ZFHX4: variants seen among roughly 807,000 people sequenced by gnomAD.
ZFHX4 encodes zinc finger homeobox protein 4.
A neutral mutation model predicts 267.6 loss-of-function variants in ZFHX4; 56 were observed. The ratio of observed to expected loss-of-function variants is 0.21; its 90% CI spans 0.17 to 0.26. ZFHX4 has a LOEUF of 0.26. Among genes scored for constraint, ZFHX4 ranks in the 10% least tolerant of loss-of-function variants. The probability of loss-of-function intolerance (pLI) is 1.00; values close to 1 mark genes in which losing one functional copy is unlikely to be tolerated. For synonymous variants in ZFHX4, 1,778 were observed against 1,665.6 expected, an observed-to-expected ratio of 1.07 and a Z score of -1.64; for missense variants, 4,332 against 4,420.0, an observed-to-expected ratio of 0.98 and a Z score of 0.56.
At chr8:76,777,079 G>A (rs550810662) in intron 3 of ZFHX4, among the ~76,000 whole-genome samples, 3 of 152,112 alleles carry the variant, frequency 2.0e-5, no homozygotes, top group African/African-American at 7.2e-5. Flanking sequence ...TTTAAAAGAA[G>A]CACATAAAAA....
intron 3 of ZFHX4, among the ~76,000 whole-genome samples, chr8:76,764,586 AAG>A (rs1810003985): frequency 6.6e-6 from 1 of 152,174 alleles, no homozygotes. Flanking sequence ...TTGAGTATAA[AAG>A]AGATGTTATT....
At chr8:76,702,306 C>T (rs1368616757) in intron 1 of ZFHX4, among the ~76,000 whole-genome samples, 5 of 152,114 alleles carry the variant, frequency 3.3e-5, no homozygotes, top group Non-Finnish European at 4.4e-5. Flanking sequence ...GATACCAAAA[C>T]GAATTTTGAA....
chr8:76,812,878 T>C (rs1300993587), intron 4 of ZFHX4, among the ~76,000 whole-genome samples: 1 of 152,202 alleles, frequency 6.6e-6, no homozygotes, highest in Non-Finnish European at 1.5e-5. Context: ...TTGATGGCAT[T>C]CAACTAGATT....
chr8:76,785,890 T>C (rs1215696468), intron 4 of ZFHX4, among the ~76,000 whole-genome samples: 1 of 152,196 alleles, frequency 6.6e-6, no homozygotes, highest in Non-Finnish European at 1.5e-5. Context: ...ATAAACTGGT[T>C]ATCTGTTACC....
chr8:76,755,891 G>A (rs1809747410), intron 3 of ZFHX4, among the ~76,000 whole-genome samples: 1 of 152,036 alleles, frequency 6.6e-6, no homozygotes, highest in African/African-American at 2.4e-5. Context: ...ATATGAGAGA[G>A]GTCATTCTCT....
At chr8:76,799,151 T>C (rs1811056673) in intron 4 of ZFHX4, among the ~76,000 whole-genome samples, 1 of 152,148 alleles carries the variant, frequency 6.6e-6, no homozygotes. Context: ...TCGCACAGGG[T>C]ATATTTTTCA....
chr8:76,809,022 A>T (rs1263210762), intron 4 of ZFHX4, among the ~76,000 whole-genome samples: 3 of 151,606 alleles, frequency 2.0e-5, no homozygotes, highest in Non-Finnish European at 2.9e-5. Context: ...CCTCTTATCT[A>T]GTGCACCTTA....
rs770276733 is a variant in ZFHX4, at chr8:76,854,149, G to A, written c.7228G>A (p.Ala2410Thr). 2.2e-5 allele frequency: 36 copies of A among 1,608,702 alleles called. No individual in the cohort carries two copies. Among genetic ancestry groups the A allele is most frequent in the South Asian group, 2.2e-4 (20 of 90,666 alleles). ...GACTTCTCCAAAACCTGAATATCCC[G>A]CAGAAAAGCCAAAGCAGAGTGACCC... ...EKTSPKPEYPAEKPKQSDPSP... is the reference protein window; with the variant it reads ...EKTSPKPEYPTEKPKQSDPSP... Residue 2410 changes from alanine (A) to threonine (T), a missense_variant, in exon 10 of 11, where the codon GCA (alanine) becomes ACA (threonine). Physicochemically the swap from Ala to Thr is moderately conservative, Grantham distance 58 (BLOSUM62 0). Around this residue, in one of 7 missense-constraint regions of ZFHX4, gnomAD observed 1,648 missense variants for 1,625.0 expected, o/e 1.01. Transcript: ENST00000651372.
intron 4 of ZFHX4, chr8:76,782,100 A>ATTTTTTTTTTTTTTT (rs77420241): frequency 7.2e-5 from 17 of 236,762 alleles, no homozygotes; most frequent in East Asian, 4.4e-4. Flanking sequence ...TCAGTTAAGA[A>ATTTTTTTTTTTTTTT]TTTTTTTTTT....
chr8:76,713,714 G>A (rs958883217), intron 3 of ZFHX4, among the ~76,000 whole-genome samples: 16 of 152,062 alleles, frequency 1.1e-4, no homozygotes, highest in Admixed American at 3.9e-4. Context: ...AAGCAGAGTC[G>A]TGCCTCCAAA....
intron 4 of ZFHX4, among the ~76,000 whole-genome samples, chr8:76,781,171 G>A (rs2131779584): frequency 6.6e-6 from 1 of 152,174 alleles, no homozygotes; most frequent in Admixed American, 6.5e-5. Flanking sequence ...GTAAACTACT[G>A]ATATTCATCC....
chr8:76,734,744 A>G (rs1186470199), intron 3 of ZFHX4, among the ~76,000 whole-genome samples: 2 of 152,124 alleles, frequency 1.3e-5, no homozygotes, highest in Non-Finnish European at 2.9e-5. Context: ...ATTCTCAAAT[A>G]TATGTTTACA....
Position 76,864,565 on chromosome 8 carries a change from G to A in ZFHX4, c.10851G>A (p.Ter3617=). ...TCCGAATGGATATGTTCAGTGTGTA[G>A]GAGTGAAGACAGGATCCCGTGCTTA... ...NSIRMDMFSV[*] The change falls in exon 11 of 11, where the codon TAG becomes TAA. Residue 3617 remains the stop codon, a stop_retained_variant. Coordinates refer to ENST00000651372, the MANE Select transcript of ZFHX4 (RefSeq NM_024721.5). 1 of 1,538,350 alleles carries A rather than the reference G, an allele frequency of 6.5e-7. No individual in the cohort carries two copies. The highest frequency in any genetic ancestry group is 8.7e-7 in the Non-Finnish European group (1 of 1,143,380).
intron 10 of ZFHX4, among the ~76,000 whole-genome samples, chr8:76,858,572 G>T (rs1038578692): frequency 6.6e-6 from 1 of 152,230 alleles, no homozygotes; most frequent in East Asian, 1.9e-4. Flanking sequence ...CCACCTGAGC[G>T]CCTGAGTTCC....
chr8:76,721,984 C>A (rs1808734014), intron 3 of ZFHX4, among the ~76,000 whole-genome samples: 1 of 152,066 alleles, frequency 6.6e-6, no homozygotes, highest in African/African-American at 2.4e-5. Context: ...ATGAATATGC[C>A]TCTTTCTCAT....
chr8:76,808,271 A>G (rs1421660209), intron 4 of ZFHX4, among the ~76,000 whole-genome samples: 1 of 152,146 alleles, frequency 6.6e-6, no homozygotes, highest in Non-Finnish European at 1.5e-5. Flanking sequence ...CTTGCTTTGA[A>G]AAATAGCCCC....
In ZFHX4 at chr8:76,863,948, T is replaced by G. The variant is rs1812953243; in HGVS notation, c.10234T>G (p.Phe3412Val). 1.9e-6 allele frequency: 3 copies of G among 1,606,958 alleles called. No individual in the cohort carries two copies. Among genetic ancestry groups the G allele is most frequent in the African/African-American group, 2.7e-5 (2 of 74,864 alleles). ...EFICRKCQMM[F>V]TDEDAAVNHQ... ...TATATGCAGAAAGTGCCAGATGATG[T>G]TTACTGATGAAGACGCCGCAGTAAA... Residue 3412 changes from phenylalanine (F) to valine (V), a missense_variant, in exon 11 of 11, where the codon TTT (phenylalanine) becomes GTT (valine). By Grantham distance (50) the Phe-to-Val change is conservative. Around this residue, in one of 7 missense-constraint regions of ZFHX4, gnomAD observed 1,648 missense variants for 1,625.0 expected, o/e 1.01. Coordinates refer to ENST00000651372, the MANE Select transcript of ZFHX4 (RefSeq NM_024721.5).
intron 3 of ZFHX4, among the ~76,000 whole-genome samples, chr8:76,728,278 G>A (rs1808907708): frequency 6.6e-6 from 1 of 152,148 alleles, no homozygotes. Context: ...ATCATGTTGT[G>A]GAGGTGGAGG....
At position 76,853,153 on chromosome 8, in the gene ZFHX4, T is replaced by G; in HGVS notation, c.6232T>G (p.Phe2078Val). 1 of 1,501,550 alleles carries G rather than the reference T, an allele frequency of 6.7e-7. No homozygotes were observed. Among genetic ancestry groups the G allele is most frequent in the South Asian group, 1.2e-5 (1 of 83,124 alleles). The allele number at this position is 1,501,550 out of a possible 1,614,324, so 93.0% of individuals were successfully genotyped here. A position where few individuals can be genotyped will look rare whatever the true frequency, so the allele number is the denominator to read the frequency against. Residue 2078 changes from phenylalanine to valine, a missense_variant, in exon 10 of 11, where the codon TTT becomes GTT. Physicochemically the swap from Phe to Val is conservative, Grantham distance 50. Transcript: ENST00000651372. ...QLPVSLDLPL[F>V]PSIMMQPVQH... is the part of the protein sequence containing the mutation. The stretch of plus-strand genomic sequence containing the variant: ...GCCGGTTTCTCTGGACCTGCCGCTC[T>G]TTCCTTCCATTATGATGCAACCTGT...
Sources: allele counts gnomAD v4.1 joint callset (sites outside exome capture counted in the v4.1 genomes callset), GRCh38; gene constraint gnomAD v4.1.1; regional missense constraint gnomAD v4.1.1; transcripts MANE v1.5; gene names NCBI Gene and HGNC (gene_info 2026-07-23, HGNC 2026-07-21).